Variants in ADGRD1 observed in about 807,000 individuals in gnomAD.
ADGRD1 encodes adhesion G protein-coupled receptor D1.
A neutral mutation model predicts 113.4 loss-of-function variants in ADGRD1; 77 were observed. That is an observed-to-expected ratio of 0.68 (90% confidence interval 0.57 to 0.82). ADGRD1 has a LOEUF of 0.82. ADGRD1 is among the 40% of genes least tolerant of loss of function. The pLI, the probability that ADGRD1 is intolerant of heterozygous loss-of-function variation, is 0.00. For synonymous variants in ADGRD1, 474 were observed against 475.0 expected (o/e 1.00, Z 0.03); for missense variants, 1,036 against 1,139.1 (o/e 0.91, Z 1.30).
At chr12:131,094,067 G>A (rs2463014) in intron 15 of ADGRD1, among the ~76,000 whole-genome samples, 12 of 132,162 alleles carry the variant, frequency 9.1e-5, no homozygotes, top group East Asian at 6.7e-4. Flanking sequence ...ACCCAGCCTC[G>A]GCACCCAGCC....
chr12:131,094,948 C>T (rs1000679286), intron 15 of ADGRD1, among the ~76,000 whole-genome samples: 3 of 152,252 alleles, frequency 2.0e-5, no homozygotes, highest in African/African-American at 7.2e-5. Context: ...CACCCCCTCC[C>T]GTCTCCTGCC....
intron 13 of ADGRD1, among the ~76,000 whole-genome samples, chr12:131,062,156 C>G (rs1884382572): frequency 6.6e-6 from 1 of 152,062 alleles, no homozygotes; most frequent in African/African-American, 2.4e-5. Flanking sequence ...CCTCCCAAGC[C>G]CGGCTCATTT....
intron 13 of ADGRD1, among the ~76,000 whole-genome samples, chr12:131,044,824 A>G (rs1234525681): frequency 6.6e-6 from 1 of 152,222 alleles, no homozygotes; most frequent in East Asian, 1.9e-4. Flanking sequence ...CAGCACACAG[A>G]GCTACTTCAT....
At position 131,082,335 on chromosome 12, in the gene ADGRD1, T is replaced by C. The variant is rs565715142; in HGVS notation, c.1548-2205T>C. Among the ~76,000 whole-genome samples, 12 of 152,362 alleles carry C rather than the reference T, an allele frequency of 7.9e-5. No individual in the cohort carries two copies. The South Asian group carries it at 1.9e-3, about 24-fold the overall frequency. On this transcript the variant is annotated intron_variant, in intron 14 of 24. Transcript: ENST00000261654. ...TTGATACTGCTTCATCTGGCTTCCA[T>C]AGCAGATTTATTTATGCACAAGCTG...
chr12:131,083,857 T>C (rs980614306), intron 14 of ADGRD1, among the ~76,000 whole-genome samples: 8 of 152,220 alleles, frequency 5.3e-5, no homozygotes, highest in Admixed American at 4.6e-4. Flanking sequence ...CTCGCCACCC[T>C]GTCTCTGGCG....
chr12:131,128,805 CAA>C (rs1950813036), intron 20 of ADGRD1, among the ~76,000 whole-genome samples: 1 of 152,090 alleles, frequency 6.6e-6, no homozygotes, highest in African/African-American at 2.4e-5. Context: ...CTCAGACCCA[CAA>C]AGTGTTCCAT....
At position 130,987,247 on chromosome 12, in the gene ADGRD1, G is replaced by C; in HGVS notation, c.643G>C (p.Asp215His). 1 of 1,614,238 alleles carries C rather than the reference G, an allele frequency of 6.2e-7. No homozygotes were observed. Among genetic ancestry groups the C allele is most frequent in the Non-Finnish European group, 8.5e-7 (1 of 1,180,034 alleles). ...CAACCTCGTGATAGGGTCTGAGCAG[G>C]ACCAGGCCAAGTGTTATGAGAACGG... ...NVNLVIGSEQ[D>H]QAKCYENGAF... Residue 215 changes from aspartate (D) to histidine (H), a missense_variant, in exon 6 of 25, where the codon GAC (aspartate) becomes CAC (histidine). Transcript: ENST00000261654.
intron 13 of ADGRD1, among the ~76,000 whole-genome samples, chr12:131,036,675 GTA>G (rs1881462120): frequency 5.0e-5 from 2 of 39,750 alleles, no homozygotes; most frequent in East Asian, 1.0e-3. Context: ...GCCTCACTCA[GTA>G]CACCGGGCCT....
chr12:131,021,796 C>T (rs1879355793), intron 13 of ADGRD1, among the ~76,000 whole-genome samples: 2 of 152,178 alleles, frequency 1.3e-5, no homozygotes, highest in South Asian at 2.1e-4. Context: ...CAGCCCTGAT[C>T]GCCGGGCTCA....
intron 3 of ADGRD1, chr12:130,968,556 A>T (rs948271432): frequency 1.2e-5 from 2 of 166,976 alleles, no homozygotes; most frequent in Non-Finnish European, 2.6e-5. Context: ...TCCATTTGTC[A>T]TCATCTCACG....
At chr12:131,016,161 C>T (rs1328097300) in intron 13 of ADGRD1, among the ~76,000 whole-genome samples, 1 of 152,252 alleles carries the variant, frequency 6.6e-6, no homozygotes, top group Non-Finnish European at 1.5e-5. Context: ...GGGAACCTCC[C>T]TCCACGCGGT....
chr12:130,961,179 G>A (rs1870310686), intron 2 of ADGRD1, among the ~76,000 whole-genome samples: 1 of 152,148 alleles, frequency 6.6e-6, no homozygotes, highest in Non-Finnish European at 1.5e-5. Context: ...TAACAGGGAA[G>A]GAAGAAGAAT....
At chr12:130,996,826 G>A (rs1432947129) in intron 8 of ADGRD1, among the ~76,000 whole-genome samples, 4 of 118,686 alleles carry the variant, frequency 3.4e-5, no homozygotes, top group Admixed American at 7.6e-5. Context: ...GGCTGGCCGG[G>A]CGGGGGGCTG....
intron 13 of ADGRD1, among the ~76,000 whole-genome samples, chr12:131,059,470 C>T (rs1398364984): frequency 6.6e-6 from 1 of 152,296 alleles, no homozygotes; most frequent in East Asian, 1.9e-4. Context: ...CGTTAGCCAC[C>T]ACGCCCAGCC....
chr12:130,959,095 G>C (rs972984185), intron 2 of ADGRD1, among the ~76,000 whole-genome samples: 1 of 152,182 alleles, frequency 6.6e-6, no homozygotes, highest in African/African-American at 2.4e-5. Flanking sequence ...TCAGGTGCTG[G>C]GGGAGCCTTA....
chr12:131,126,066 T>A (rs1950731851), intron 20 of ADGRD1, among the ~76,000 whole-genome samples: 1 of 152,216 alleles, frequency 6.6e-6, no homozygotes, highest in East Asian at 1.9e-4. Flanking sequence ...GATACCTAAA[T>A]ACAGGCAGAC....
chr12:131,086,039 TG>T (rs1258935356), intron 15 of ADGRD1, among the ~76,000 whole-genome samples: 3 of 152,008 alleles, frequency 2.0e-5, no homozygotes, highest in Admixed American at 2.0e-4. Context: ...CAAGCTCAGG[TG>T]GTTCCCAGCA....
At chr12:131,131,159 C>T (rs1950914786) in intron 20 of ADGRD1, among the ~76,000 whole-genome samples, 1 of 152,130 alleles carries the variant, frequency 6.6e-6, no homozygotes, top group African/African-American at 2.4e-5. Flanking sequence ...CCCTCAGTGC[C>T]CCGCCCAGCC....
At position 131,138,065 on chromosome 12, in the gene ADGRD1, G is replaced by A. The variant is rs529700850; in HGVS notation, c.2437-72G>A. ...GCACATCTGGTTCCGGAGTTGCACCGGCACAGACTCCTCTGGTTACGGCTG... is the reference window on the plus strand; with the variant it reads ...GCACATCTGGTTCCGGAGTTGCACCAGCACAGACTCCTCTGGTTACGGCTG... On this transcript the variant is annotated intron_variant, in intron 23 of 24. Transcript: ENST00000261654. The A allele has an allele frequency of 8.3e-5, 105 of 1,267,744 alleles. No individual in the cohort carries two copies. In the African/African-American group the frequency reaches 1.2e-3, roughly 15 times the overall value. The allele number at this position is 1,267,744 out of a possible 1,614,324, so 78.5% of individuals were successfully genotyped here. A position where few individuals can be genotyped will look rare whatever the true frequency, so the allele number is the denominator to read the frequency against.
Sources: allele counts gnomAD v4.1 joint callset (sites outside exome capture counted in the v4.1 genomes callset), GRCh38; gene constraint gnomAD v4.1.1; transcripts MANE v1.5; gene names NCBI Gene and HGNC (gene_info 2026-07-23, HGNC 2026-07-21).